The following CACNG3 variants were observed in gnomAD, a reference collection of about 807,000 sequenced individuals.
CACNG3 encodes the protein calcium voltage-gated channel auxiliary subunit gamma 3, also known as voltage-dependent calcium channel gamma-3 subunit.
CACNG3 carries 3 observed loss-of-function variants against 28.5 expected under a neutral mutation model. The observed-to-expected ratio is 0.11, with a 90% CI of 0.05 to 0.27. The LOEUF (loss-of-function observed/expected upper bound fraction) is 0.27. Ranked by LOEUF, CACNG3 falls within the 10% of genes least tolerant of loss-of-function variation. The pLI is 1.00. For synonymous variants in CACNG3, 174 were observed against 162.2 expected, an observed-to-expected ratio of 1.07 and a Z score of -0.55; for missense variants, 236 against 414.4, an observed-to-expected ratio of 0.57 and a Z score of 3.74.
intron 1 of CACNG3, among the ~76,000 whole-genome samples, chr16:24,331,658 C>G (rs1362286835): frequency 2.0e-5 from 3 of 152,188 alleles, no homozygotes; most frequent in Admixed American, 6.5e-5. Context: ...AGTTCTGGAC[C>G]CTGGCCTGTA....
chr16:24,271,851 G>T (rs993257630), intron 1 of CACNG3, among the ~76,000 whole-genome samples: 3 of 89,332 alleles, frequency 3.4e-5, no homozygotes, highest in Non-Finnish European at 6.5e-5. Context: ...TTCTCTTAGG[G>T]TTTGTGAGTC....
At chr16:24,336,140 G>T (rs12930950) in intron 1 of CACNG3, among the ~76,000 whole-genome samples, 1 of 151,238 alleles carries the variant, frequency 6.6e-6, no homozygotes, top group African/African-American at 2.4e-5. Flanking sequence ...CAGGAGAATC[G>T]CTTGACCCTG....
In CACNG3 at chr16:24,265,488, GAAAGAAGGAAAGA is replaced by G. The variant is rs1206261965; in HGVS notation, c.211+8530_211+8542del. Among the ~76,000 whole-genome samples the G allele has an allele frequency of 4.7e-4, 70 of 149,172 alleles. 1 individual carries two copies. Among genetic ancestry groups the G allele is most frequent in the African/African-American group, 1.4e-3 (55 of 40,172 alleles). On this transcript the variant is annotated intron_variant, in intron 1 of 3. Transcript: ENST00000005284. ...AAGGAAGGAGAGAGAGAGAGAAAGA[GAAAGAAGGAAAGA>G]AAAGAAAGAAAGAAAGAAAGAAGAA... is the stretch of plus-strand genomic sequence containing the variant.
At chr16:24,327,455 TACACACACACAC>T (rs751581514) in intron 1 of CACNG3, among the ~76,000 whole-genome samples, 2 of 91,316 alleles carry the variant, frequency 2.2e-5, no homozygotes, top group Non-Finnish European at 4.0e-5. Context: ...TATATATATA[TACACACACACAC>T]ACACACACAC....
At chr16:24,269,739 T>C (rs1596621779) in intron 1 of CACNG3, among the ~76,000 whole-genome samples, 1 of 76,122 alleles carries the variant, frequency 1.3e-5, no homozygotes, top group Non-Finnish European at 2.2e-5. Flanking sequence ...AGAGAGAGAC[T>C]CCATCTCAAA....
intron 1 of CACNG3, among the ~76,000 whole-genome samples, chr16:24,326,112 C>CCTAGCTTAGCCACT (rs1281094249): frequency 6.6e-6 from 1 of 152,146 alleles, no homozygotes; most frequent in East Asian, 1.9e-4. Context: ...ACTGTAGCCC[C>CCTAGCTTAGCCACT]AGCCCACTAG....
At chr16:24,313,810 T>C (rs934379796) in intron 1 of CACNG3, among the ~76,000 whole-genome samples, 8 of 151,988 alleles carry the variant, frequency 5.3e-5, no homozygotes, top group Non-Finnish European at 8.8e-5. Context: ...AGTGGTGTGA[T>C]CTCGGCTCAC....
Position 24,317,578 on chromosome 16 carries a change from GA to G in CACNG3, c.212-29153del, listed in dbSNP as rs1313126776. 8.9e-4 allele frequency among the ~76,000 whole-genome samples: 48 copies of G among 53,740 alleles called. 1 individual carries two copies. Among genetic ancestry groups the G allele is most frequent in the Non-Finnish European group, 1.4e-3 (41 of 29,562 alleles). The allele number at this position is 53,740 out of a possible 152,430, so 35.3% of individuals were successfully genotyped here. On this transcript the variant is annotated intron_variant, in intron 1 of 3. Transcript: ENST00000005284. Reference sequence around the variant, plus strand: ...AAAAAGAAAGAAAGAAAGAAAGAAAGAAAGAAAGAAAGAAAGAAAGAAAGAA... The same window carrying G: ...AAAAAGAAAGAAAGAAAGAAAGAAAGAAGAAAGAAAGAAAGAAAGAAAGAA...
intron 1 of CACNG3, among the ~76,000 whole-genome samples, chr16:24,315,855 C>A (rs1899345410): frequency 1.3e-5 from 2 of 152,124 alleles, no homozygotes; most frequent in Non-Finnish European, 1.5e-5. Flanking sequence ...GATGGGATAT[C>A]TCCAGGTTGG....
At chr16:24,331,087 G>T (rs1264016074) in intron 1 of CACNG3, among the ~76,000 whole-genome samples, 1 of 151,986 alleles carries the variant, frequency 6.6e-6, no homozygotes, top group African/African-American at 2.4e-5. Flanking sequence ...CTACCTAATT[G>T]GTGACTCCTA....
At chr16:24,336,725 C>T (rs767373093) in intron 1 of CACNG3, among the ~76,000 whole-genome samples, 1 of 152,030 alleles carries the variant, frequency 6.6e-6, no homozygotes, top group Non-Finnish European at 1.5e-5. Flanking sequence ...TCATGAGGGC[C>T]CCACCCTCGT....
intron 1 of CACNG3, among the ~76,000 whole-genome samples, chr16:24,266,774 G>C (rs950354744): frequency 6.6e-6 from 1 of 152,074 alleles, no homozygotes; most frequent in Non-Finnish European, 1.5e-5. Flanking sequence ...CCCACCTGTG[G>C]CCTGCCTCCT....
intron 1 of CACNG3, among the ~76,000 whole-genome samples, chr16:24,278,953 AG>A (rs1898785647): frequency 6.6e-6 from 1 of 152,260 alleles, no homozygotes; most frequent in Non-Finnish European, 1.5e-5. Context: ...AGAGAGATGA[AG>A]GGATGGGTTG....
At chr16:24,290,983 A>G (rs1225492628) in intron 1 of CACNG3, among the ~76,000 whole-genome samples, 1 of 152,156 alleles carries the variant, frequency 6.6e-6, no homozygotes. Flanking sequence ...GCAATACTGC[A>G]CTGTTCTTGG....
chr16:24,305,484 G>C (rs1000421018), intron 1 of CACNG3, among the ~76,000 whole-genome samples: 3 of 151,764 alleles, frequency 2.0e-5, no homozygotes, highest in Non-Finnish European at 4.4e-5. Context: ...TCAGCCTCCT[G>C]AGTAGCCGTT....
chr16:24,341,362 T>TA (rs1463392385), intron 1 of CACNG3, among the ~76,000 whole-genome samples: 2 of 151,144 alleles, frequency 1.3e-5, no homozygotes, highest in Non-Finnish European at 3.0e-5. Flanking sequence ...TTTCCTTCTA[T>TA]ATTGCTTCTT....
Position 24,282,995 on chromosome 16 carries a change from A to G in CACNG3, c.211+26030A>G, listed in dbSNP as rs532044781. ...GCAATTCTCCTGCCTCAGCCTCCCAAGTAGCTGGGACTACAGGTGCACACC... is the reference window on the plus strand; with the variant it reads ...GCAATTCTCCTGCCTCAGCCTCCCAGGTAGCTGGGACTACAGGTGCACACC... On this transcript the variant is annotated intron_variant, in intron 1 of 3. Transcript: ENST00000005284. Among the ~76,000 whole-genome samples, 6 of 152,104 alleles carry G rather than the reference A, an allele frequency of 3.9e-5. No individual in the cohort carries two copies. The South Asian group carries it at 1.2e-3, about 32-fold the overall frequency.
intron 1 of CACNG3, among the ~76,000 whole-genome samples, chr16:24,311,740 C>G (rs1488344280): frequency 6.6e-6 from 1 of 151,968 alleles, no homozygotes; most frequent in African/African-American, 2.4e-5. Context: ...CCTGTAATCC[C>G]AGCTATTTGG....
rs1414908087 is a variant in CACNG3 at position 24,268,908 on chromosome 16, C to T, written c.211+11943C>T. ...GAGTCAACCCTACCCTCATCCTCAA[C>T]TCCAGGTTTTGGGCTTGGATGACTC... On this transcript the variant is annotated intron_variant, in intron 1 of 3. Coordinates refer to ENST00000005284, the MANE Select transcript of CACNG3 (RefSeq NM_006539.4). Among the ~76,000 whole-genome samples, 3 of 152,220 alleles carry T rather than the reference C, an allele frequency of 2.0e-5. No homozygotes were observed. The South Asian group carries it at 6.2e-4, about 31-fold the overall frequency.
Sources: gnomAD v4.1 joint callset for allele counts (sites outside exome capture counted in the v4.1 genomes callset) on GRCh38, gnomAD v4.1.1 for gene constraint, MANE v1.5 for transcripts, NCBI Gene and HGNC (gene_info 2026-07-23, HGNC 2026-07-21) for gene names.